CNTN5: variants seen among roughly 807,000 people sequenced by gnomAD.
CNTN5 encodes contactin 5, also known as contactin-5.
CNTN5 carries 77 observed loss-of-function variants against 129.1 expected under a neutral mutation model. The observed-to-expected ratio is 0.60, with a 90% CI of 0.50 to 0.72. The LOEUF (loss-of-function observed/expected upper bound fraction) is 0.72, where lower values mean the gene tolerates loss of function less well. CNTN5 is among the 30% of genes least tolerant of loss of function. The probability of loss-of-function intolerance (pLI) is 0.00; values close to 1 mark genes in which losing one functional copy is unlikely to be tolerated. For synonymous variants in CNTN5, 509 were observed against 465.6 expected, an observed-to-expected ratio of 1.09 and a Z score of -1.20; for missense variants, 1,478 against 1,328.8, an observed-to-expected ratio of 1.11 and a Z score of -1.75.
intron 3 of CNTN5, among the ~76,000 whole-genome samples, chr11:99,790,404 C>G (rs1945697802): frequency 6.6e-6 from 1 of 151,780 alleles, no homozygotes; most frequent in African/African-American, 2.4e-5. Context: ...TTAGCTCCTA[C>G]TTGTAAGACC....
intron 18 of CNTN5, among the ~76,000 whole-genome samples, chr11:100,293,190 T>C (rs551710992): frequency 6.6e-6 from 1 of 151,878 alleles, no homozygotes; most frequent in Non-Finnish European, 1.5e-5. Flanking sequence ...TGTGGATCCA[T>C]ATAAACAAAG....
At chr11:99,393,943 A>G (rs112002316) in intron 2 of CNTN5, among the ~76,000 whole-genome samples, 4,207 of 151,796 alleles carry the variant, frequency 0.028, 185 homozygotes, top group African/African-American at 0.095. Context: ...TAGTGAGAGA[A>G]TAAAATGATT....
At chr11:99,028,793 G>A (rs1863224162) in intron 1 of CNTN5, among the ~76,000 whole-genome samples, 1 of 151,840 alleles carries the variant, frequency 6.6e-6, no homozygotes, top group Non-Finnish European at 1.5e-5. Flanking sequence ...CATTTATGTA[G>A]TATGATATAT....
intron 1 of CNTN5, among the ~76,000 whole-genome samples, chr11:99,084,839 A>AGG (rs1865937277): frequency 6.6e-6 from 1 of 152,156 alleles, no homozygotes; most frequent in Admixed American, 6.5e-5. Flanking sequence ...TTGCCAAAAT[A>AGG]TTTTCAAATT....
intron 2 of CNTN5, among the ~76,000 whole-genome samples, chr11:99,484,181 A>G (rs997713887): frequency 2.0e-5 from 3 of 152,146 alleles, no homozygotes; most frequent in Non-Finnish European, 4.4e-5. Flanking sequence ...AAAGCAAAAA[A>G]TAAAAACAAA....
intron 8 of CNTN5, among the ~76,000 whole-genome samples, chr11:99,966,408 A>C (rs762296880): frequency 6.6e-6 from 1 of 152,134 alleles, no homozygotes; most frequent in African/African-American, 2.4e-5. Flanking sequence ...CAGAGGAGAG[A>C]TGCATTACAG....
At chr11:100,289,181 C>A (rs908059238) in intron 18 of CNTN5, among the ~76,000 whole-genome samples, 1 of 151,450 alleles carries the variant, frequency 6.6e-6, no homozygotes, top group Non-Finnish European at 1.5e-5. Flanking sequence ...ACCAGAGGTA[C>A]AAGGAGGAAC....
chr11:99,913,261 A>G (rs192192474), intron 6 of CNTN5, among the ~76,000 whole-genome samples: 4 of 151,942 alleles, frequency 2.6e-5, no homozygotes, highest in Non-Finnish European at 4.4e-5. Flanking sequence ...ATCCCCATCA[A>G]CCAAGAATTT....
chr11:99,093,537 A>C (rs1342488733), intron 1 of CNTN5, among the ~76,000 whole-genome samples: 3 of 151,806 alleles, frequency 2.0e-5, no homozygotes, highest in African/African-American at 4.8e-5. Flanking sequence ...TTTGACATTA[A>C]ATGTGACCCA....
intron 15 of CNTN5, among the ~76,000 whole-genome samples, chr11:100,199,611 AT>A (rs1218963438): frequency 1.3e-5 from 2 of 151,904 alleles, no homozygotes; most frequent in Non-Finnish European, 2.9e-5. Flanking sequence ...AGTGCACCAT[AT>A]TCATTCTCCC....
intron 2 of CNTN5, among the ~76,000 whole-genome samples, chr11:99,470,119 G>A (rs571914552): frequency 3.3e-5 from 5 of 152,204 alleles, no homozygotes; most frequent in East Asian, 1.9e-4. Context: ...CTGTCAGTTC[G>A]TTAGAGTTTG....
intron 1 of CNTN5, among the ~76,000 whole-genome samples, chr11:99,189,036 C>CT (rs1407907982): frequency 6.6e-6 from 1 of 151,676 alleles, no homozygotes; most frequent in African/African-American, 2.4e-5. Context: ...CTCTCTCCTT[C>CT]TGTGATTTTT....
At chr11:99,852,028 T>C (rs1230573851) in intron 6 of CNTN5, among the ~76,000 whole-genome samples, 1 of 152,222 alleles carries the variant, frequency 6.6e-6, no homozygotes, top group African/African-American at 2.4e-5. Context: ...ATAATAACTT[T>C]ATTAAATCAT....
intron 2 of CNTN5, among the ~76,000 whole-genome samples, chr11:99,344,392 TC>T (rs1347715885): frequency 6.6e-6 from 1 of 152,158 alleles, no homozygotes; most frequent in East Asian, 1.9e-4. Context: ...AGAGATTCAC[TC>T]AGAAAACTCT....
rs776355881 is a variant in CNTN5, at chr11:100,193,676, A to G, written c.1884+13A>G. 2.5e-6 allele frequency: 4 copies of G among 1,603,406 alleles called. No individual in the cohort carries two copies. Among genetic ancestry groups the G allele is most frequent in the African/African-American group, 2.7e-5 (2 of 74,246 alleles). On this transcript the variant is annotated intron_variant, in intron 15 of 24. Transcript: ENST00000524871. ...AAGCATCAGGGCCGTAAGTGAATAC[A>G]CTTTTATTCTTTTAGTAATGATAAC...
intron 2 of CNTN5, among the ~76,000 whole-genome samples, chr11:99,446,759 G>A (rs1044308445): frequency 6.6e-6 from 1 of 152,136 alleles, no homozygotes; most frequent in Admixed American, 6.5e-5. Flanking sequence ...AATAGGCTAT[G>A]TACTCTCTTA....
intron 7 of CNTN5, among the ~76,000 whole-genome samples, chr11:99,940,274 T>A (rs1241536703): frequency 6.6e-6 from 1 of 152,172 alleles, no homozygotes; most frequent in Non-Finnish European, 1.5e-5. Context: ...TACATCAACA[T>A]TAAATTTATG....
intron 1 of CNTN5, among the ~76,000 whole-genome samples, chr11:99,070,626 T>C (rs946006989): frequency 6.6e-6 from 1 of 152,136 alleles, no homozygotes; most frequent in Non-Finnish European, 1.5e-5. Context: ...AAAACAAGTA[T>C]TATATTTATA....
At chr11:99,681,357 A>C (rs1300884177) in intron 3 of CNTN5, among the ~76,000 whole-genome samples, 1 of 152,070 alleles carries the variant, frequency 6.6e-6, no homozygotes, top group Non-Finnish European at 1.5e-5. Context: ...TGAAAGGAAG[A>C]GACAAACATG....
Sources: gnomAD v4.1 joint callset for allele counts (sites outside exome capture counted in the v4.1 genomes callset) on GRCh38, gnomAD v4.1.1 for gene constraint, MANE v1.5 for transcripts, NCBI Gene and HGNC (gene_info 2026-07-23, HGNC 2026-07-21) for gene names.